PTPRC: variants seen among roughly 807,000 people sequenced by gnomAD.
PTPRC encodes the protein receptor-type tyrosine-protein phosphatase C.
Under a neutral mutation model 155.9 loss-of-function variants are expected in PTPRC, and 44 were observed. That is an observed-to-expected ratio of 0.28 (90% CI 0.22 to 0.36). The LOEUF (loss-of-function observed/expected upper bound fraction) is 0.36. Among genes scored for constraint, PTPRC ranks in the 10% least tolerant of loss-of-function variants. PTPRC has a pLI of 1.00. For synonymous variants in PTPRC, 525 were observed against 533.1 expected, an observed-to-expected ratio of 0.98 and a Z score of 0.21; for missense variants, 1,401 against 1,564.6, an observed-to-expected ratio of 0.90 and a Z score of 1.76.
chr1:198,749,352 CAT>C, intron 27 of PTPRC, 62 bp from the exon 28 acceptor site: 1 of 1,489,300 alleles, frequency 6.7e-7, no homozygotes, highest in Non-Finnish European at 9.3e-7. Flanking sequence ...CAAATTTCCA[CAT>C]GACAATGAAG....
chr1:198,685,485 A>G (rs915587160), intron 2 of PTPRC, among the ~76,000 whole-genome samples: 5 of 152,018 alleles, frequency 3.3e-5, no homozygotes, highest in Admixed American at 1.3e-4. Context: ...AATGGAGGGT[A>G]GAAAAGACTG....
chr1:198,671,530 A>G lies in PTPRC; in HGVS notation c.74-20817A>G, dbSNP rs192207243. ...GATGCTATCATTTAGGGTGAAATCA[A>G]CTACTCCCATTGCTTAATTTGTCTT... On this transcript the variant is annotated intron_variant, in intron 2 of 32. Coordinates refer to ENST00000442510, the MANE Select transcript of PTPRC (RefSeq NM_002838.5). Among the ~76,000 whole-genome samples the G allele has an allele frequency of 3.8e-4, 58 of 152,270 alleles. No homozygotes were observed. The East Asian group carries it at 5.6e-3, about 15-fold the overall frequency.
At chr1:198,642,711 T>G (rs1168601089) in intron 2 of PTPRC, among the ~76,000 whole-genome samples, 1 of 151,936 alleles carries the variant, frequency 6.6e-6, no homozygotes, top group Admixed American at 6.6e-5. Context: ...GTTTTTTTAA[T>G]CAGTCTGAAG....
intron 5 of PTPRC, 42 bp downstream of exon 5, chr1:198,699,746 T>C: frequency 5.0e-6 from 8 of 1,611,226 alleles, no homozygotes; most frequent in Non-Finnish European, 6.8e-6. Context: ...GAAAAGTACA[T>C]GACGACTACC....
At chr1:198,744,691 C>G (rs1009075253) in intron 26 of PTPRC, among the ~76,000 whole-genome samples, 3 of 151,860 alleles carry the variant, frequency 2.0e-5, no homozygotes, top group Admixed American at 2.0e-4. Context: ...CACAGCTAAC[C>G]TAGCATGTAG....
intron 6 of PTPRC, among the ~76,000 whole-genome samples, chr1:198,702,989 T>C (rs748455942): frequency 7.9e-5 from 12 of 152,224 alleles, no homozygotes; most frequent in Admixed American, 2.0e-4. Context: ...GTGACGCTTA[T>C]TAGAATCCAA....
chr1:198,752,482 T>TAAC (rs1655428884), intron 30 of PTPRC, 111 bp downstream of exon 30: 1 of 1,521,392 alleles, frequency 6.6e-7, no homozygotes, highest in South Asian at 1.2e-5. Flanking sequence ...TGTTTCAGAA[T>TAAC]AACATTTTAA....
chr1:198,668,939 ATTG>A (rs1334192387), intron 2 of PTPRC, among the ~76,000 whole-genome samples: 2 of 152,218 alleles, frequency 1.3e-5, no homozygotes, highest in African/African-American at 4.8e-5. Context: ...GTACAATTAA[ATTG>A]AAGATATTTG....
chr1:198,662,149 T>C (rs377117807), intron 2 of PTPRC, among the ~76,000 whole-genome samples: 11 of 152,320 alleles, frequency 7.2e-5, no homozygotes, highest in African/African-American at 2.6e-4. Flanking sequence ...TATTGATGTA[T>C]TGGCTATTTT....
chr1:198,687,072 C>T (rs1426097583), intron 2 of PTPRC, among the ~76,000 whole-genome samples: 1 of 152,198 alleles, frequency 6.6e-6, no homozygotes, highest in Non-Finnish European at 1.5e-5. Flanking sequence ...GTGGCACCAT[C>T]ACATCTCACT....
At chr1:198,711,260 G>A (rs577457160) in intron 11 of PTPRC, among the ~76,000 whole-genome samples, 1 of 152,182 alleles carries the variant, frequency 6.6e-6, no homozygotes, top group Admixed American at 6.5e-5. Context: ...TATATCCTCA[G>A]CATAACTAGA....
intron 15 of PTPRC, among the ~76,000 whole-genome samples, chr1:198,723,321 G>A (rs1006758454): frequency 1.3e-5 from 2 of 152,028 alleles, no homozygotes; most frequent in African/African-American, 4.8e-5. Flanking sequence ...GCCACTTCTA[G>A]TTCTTCCTCT....
intron 2 of PTPRC, among the ~76,000 whole-genome samples, chr1:198,643,186 T>A (rs140095626): frequency 6.6e-6 from 1 of 151,932 alleles, no homozygotes; most frequent in African/African-American, 2.4e-5. Context: ...TTCAATCTGC[T>A]CTTTTTTGTG....
At chr1:198,704,906 A>G (rs1291461438) in intron 8 of PTPRC, among the ~76,000 whole-genome samples, 1 of 152,138 alleles carries the variant, frequency 6.6e-6, no homozygotes, top group Non-Finnish European at 1.5e-5. Context: ...TGGTAAAGCC[A>G]CTTAATTTAA....
chr1:198,649,932 A>C (rs1396437336), intron 2 of PTPRC, among the ~76,000 whole-genome samples: 1 of 151,918 alleles, frequency 6.6e-6, no homozygotes, highest in Admixed American at 6.6e-5. Context: ...TAATCTGGCC[A>C]GACCCAGATT....
intron 11 of PTPRC, 54 bp downstream of exon 11, chr1:198,709,878 A>C (rs765749674): frequency 7.6e-5 from 120 of 1,587,210 alleles, no homozygotes; most frequent in Non-Finnish European, 1.0e-4. Context: ...TCATGTTCTT[A>C]TAATTATTTG....
rs1232703084 is a variant in PTPRC at position 198,718,152 on chromosome 1, C to T, written c.1509C>T (p.Val503=). 1 of 1,613,830 alleles carries T rather than the reference C, an allele frequency of 6.2e-7. No homozygotes were observed. Among genetic ancestry groups the T allele is most frequent in the Non-Finnish European group, 8.5e-7 (1 of 1,179,874 alleles). The part of the protein sequence containing the change: ...VSMTSDNSMH[V]KCRPPRDRNG... ...TGACATCAGATAATAGTATGCATGT[C>T]AAGTGTAGGCCTCCCAGGGACCGTA... is the stretch of plus-strand genomic sequence containing the variant. Residue 503 remains valine, a synonymous_variant, in exon 14 of 33, where the codon GTC becomes GTT. Transcript: ENST00000442510.
chr1:198,723,999 A>G (rs1654012419), intron 15 of PTPRC, among the ~76,000 whole-genome samples: 3 of 152,206 alleles, frequency 2.0e-5, no homozygotes, highest in Admixed American at 1.3e-4. Flanking sequence ...CCATGAGGAC[A>G]ATAGAGTTCA....
intron 3 of PTPRC, chr1:198,693,004 A>T (rs1666012253): frequency 2.1e-6 from 2 of 945,126 alleles, no homozygotes; most frequent in Non-Finnish European, 2.5e-6. Context: ...TAAATATCAC[A>T]TCACTTAACT....
Sources: allele counts gnomAD v4.1 joint callset (sites outside exome capture counted in the v4.1 genomes callset), GRCh38; gene constraint gnomAD v4.1.1; transcripts MANE v1.5; gene names NCBI Gene and HGNC (gene_info 2026-07-23, HGNC 2026-07-21).